The following TEX2 variants were observed in gnomAD, a reference collection of about 807,000 sequenced individuals.
TEX2 encodes the protein testis-expressed protein 2.
In TEX2, 53 loss-of-function variants were observed where a neutral mutation model predicts 106.9. That is an observed-to-expected ratio of 0.50 (90% CI 0.40 to 0.62). The LOEUF (loss-of-function observed/expected upper bound fraction) is 0.62, where lower values mean the gene tolerates loss of function less well. TEX2 is among the 20% of genes least tolerant of loss of function. The pLI is 0.00. For synonymous variants in TEX2, 523 were observed against 534.8 expected, an observed-to-expected ratio of 0.98 and a Z score of 0.30; for missense variants, 1,207 against 1,379.0, an observed-to-expected ratio of 0.88 and a Z score of 1.98.
rs1555630005 is a variant in TEX2, at chr17:64,200,839, CCTT to C, written c.1645-5747_1645-5745del. The stretch of plus-strand genomic sequence containing the variant: ...TTATTCTGCTTGGGCTTGGCTTGGC[CCTT>C]CTTCTCCCTACCCCCATCTTTTCAG... On this transcript the variant is annotated intron_variant, in intron 2 of 11. Transcript: ENST00000584379. Among the ~76,000 whole-genome samples the C allele has an allele frequency of 2.0e-5, 3 of 151,978 alleles. No homozygotes were observed. In the East Asian group the frequency reaches 5.8e-4, roughly 29 times the overall value.
At chr17:64,223,273 G>A (rs1307204020) in intron 1 of TEX2, among the ~76,000 whole-genome samples, 1 of 149,218 alleles carries the variant, frequency 6.7e-6, no homozygotes, top group Non-Finnish European at 1.5e-5. Context: ...AAATCAGGCT[G>A]TATAATAAAA....
intron 1 of TEX2, among the ~76,000 whole-genome samples, chr17:64,218,407 T>A (rs886510872): frequency 2.5e-4 from 2 of 7,996 alleles, no homozygotes; most frequent in South Asian, 9.5e-3. Flanking sequence ...CACTTTCACT[T>A]TTTTTTTTTT....
intron 8 of TEX2, among the ~76,000 whole-genome samples, chr17:64,157,449 T>G (rs926839619): frequency 1.3e-5 from 2 of 152,252 alleles, no homozygotes; most frequent in African/African-American, 2.4e-5. Flanking sequence ...CCACCTCTGA[T>G]GACTTCTAGC....
At chr17:64,228,794 A>C (rs1288144224) in intron 1 of TEX2, among the ~76,000 whole-genome samples, 1 of 152,200 alleles carries the variant, frequency 6.6e-6, no homozygotes, top group Non-Finnish European at 1.5e-5. Flanking sequence ...TGCATACAAA[A>C]GGTAGTGCGC....
chr17:64,152,458 C>G (rs772575989), intron 10 of TEX2, among the ~76,000 whole-genome samples: 1 of 152,186 alleles, frequency 6.6e-6, no homozygotes, highest in Non-Finnish European at 1.5e-5. Flanking sequence ...GCATTGAGGC[C>G]TAACTCAGGG....
At chr17:64,238,278 G>A (rs1345058605) in intron 1 of TEX2, among the ~76,000 whole-genome samples, 4 of 152,150 alleles carry the variant, frequency 2.6e-5, no homozygotes, top group East Asian at 3.8e-4. Context: ...CAGCCTGGGC[G>A]ACACTGTGAG....
chr17:64,190,463 T>A (rs1349282214), intron 4 of TEX2, among the ~76,000 whole-genome samples: 1 of 152,178 alleles, frequency 6.6e-6, no homozygotes, highest in Non-Finnish European at 1.5e-5. Context: ...CCATTGTGAC[T>A]GAGCCACACT....
chr17:64,208,185 C>T (rs1231348482), intron 2 of TEX2, among the ~76,000 whole-genome samples: 1 of 152,160 alleles, frequency 6.6e-6, no homozygotes, highest in African/African-American at 2.4e-5. Context: ...CTTGGCTTGT[C>T]CACTTTCAGA....
At chr17:64,223,801 C>T (rs1208885049) in intron 1 of TEX2, among the ~76,000 whole-genome samples, 1 of 151,372 alleles carries the variant, frequency 6.6e-6, no homozygotes. Context: ...CTGCAACCTC[C>T]AGCTCCCAGG....
At chr17:64,160,670 G>C in intron 8 of TEX2, 131 bp downstream of exon 8, 1 of 1,183,554 alleles carries the variant, frequency 8.4e-7, no homozygotes. Context: ...AAATGCTCTG[G>C]TCCAGGAGCA....
chr17:64,240,319 A>G (rs1368514310), intron 1 of TEX2, among the ~76,000 whole-genome samples: 6 of 152,028 alleles, frequency 3.9e-5, no homozygotes, highest in African/African-American at 1.5e-4. Context: ...GGAACCTAAG[A>G]TAACAGCACT....
intron 1 of TEX2, among the ~76,000 whole-genome samples, chr17:64,223,713 C>CTTTTTTTTT (rs34897234): frequency 9.0e-6 from 1 of 110,768 alleles, no homozygotes; most frequent in East Asian, 2.7e-4. Context: ...AACAGAGCAT[C>CTTTTTTTTT]TTTTTTTTTT....
Position 64,164,801 on chromosome 17 carries a change from T to TA in TEX2, c.2672-3869dup, listed in dbSNP as rs112547447. ...ATGCCTTGGCGTATGTCCCCACAGA[T>TA]AAGGGGTGGCCACAACCACAAGAGG... On this transcript the variant is annotated intron_variant, in intron 7 of 11. Coordinates refer to ENST00000584379, the MANE Select transcript of TEX2 (RefSeq NM_001288732.2). 3.0e-3 allele frequency among the ~76,000 whole-genome samples: 463 copies of TA among 152,290 alleles called. 3 individuals carry two copies. The highest frequency in any genetic ancestry group is 0.011 in the African/African-American group (452 of 41,560).
rs1598189850 is a variant in TEX2 at position 64,214,342 on chromosome 17, G to C, written c.-25-100C>G. The C allele has an allele frequency of 5.0e-6, 5 of 1,001,234 alleles. No individual in the cohort carries two copies. In the East Asian group the frequency reaches 1.2e-4, roughly 25 times the overall value. 62.0% of individuals were successfully genotyped at this position (1,001,234 alleles called of 1,614,324 possible). On this transcript the variant is annotated intron_variant, in intron 1 of 11. Transcript: ENST00000584379. ...GCACAGATGAAGCTGTTTAAGTGGT[G>C]ATTATGCTTTTACTTGGCAGATGTC...
chr17:64,165,390 T>G lies in TEX2; in HGVS notation c.2672-4457A>C, dbSNP rs79980412. ...TGACAAGCTGCAAATCAGGGTCCCC[T>G]GTCCCCCACCCGACCCATGTTCCAC... On this transcript the variant is annotated intron_variant, in intron 7 of 11. Coordinates refer to ENST00000584379, the MANE Select transcript of TEX2 (RefSeq NM_001288732.2). 3.6e-3 allele frequency among the ~76,000 whole-genome samples: 542 copies of G among 152,346 alleles called. 5 individuals are homozygous for G. Among genetic ancestry groups the G allele is most frequent in the African/African-American group, 0.012 (516 of 41,590 alleles).
chr17:64,155,286 A>G (rs898256952), intron 8 of TEX2: 7 of 234,222 alleles, frequency 3.0e-5, no homozygotes, highest in African/African-American at 1.3e-4. Context: ...CATAAAATGC[A>G]GTGATTTCAA....
chr17:64,230,824 T>A (rs2033639534), intron 1 of TEX2: 1 of 152,228 alleles, frequency 6.6e-6, no homozygotes, highest in South Asian at 2.1e-4. Flanking sequence ...GAACAGAACA[T>A]ACTTAGAGTC....
At chr17:64,225,273 G>A (rs1221517925) in intron 1 of TEX2, among the ~76,000 whole-genome samples, 2 of 151,996 alleles carry the variant, frequency 1.3e-5, no homozygotes, top group Non-Finnish European at 2.9e-5. Context: ...ACAATACAGC[G>A]AGACACTATC....
chr17:64,260,939 C>T (rs1184777370), intron 1 of TEX2, among the ~76,000 whole-genome samples: 2 of 152,170 alleles, frequency 1.3e-5, no homozygotes, highest in African/African-American at 4.8e-5. Flanking sequence ...AGAACAGGCA[C>T]TTTCCATCAA....
Sources: gnomAD v4.1 joint callset for allele counts (sites outside exome capture counted in the v4.1 genomes callset) on GRCh38, gnomAD v4.1.1 for gene constraint, MANE v1.5 for transcripts, NCBI Gene and HGNC (gene_info 2026-07-23, HGNC 2026-07-21) for gene names.